Variants in ITPRID1 observed in about 807,000 individuals in gnomAD.
The protein encoded by ITPRID1 is protein ITPRID1.
Under a neutral mutation model 95.4 loss-of-function variants are expected in ITPRID1, and 96 were observed. The ratio of observed to expected loss-of-function variants is 1.01; its 90% CI spans 0.85 to 1.19. The LOEUF is 1.19. Ranked by LOEUF, ITPRID1 falls within the 50% of genes most tolerant of loss-of-function variation. ITPRID1 has a pLI of 0.00. For missense variants in ITPRID1, 1,339 were observed against 1,252.9 expected (o/e 1.07, Z -1.04); for synonymous variants, 510 against 453.6 (o/e 1.12, Z -1.58).
chr7:31,554,261 A>G, intron 3 of ITPRID1: 1 of 679,914 alleles, frequency 1.5e-6, no homozygotes, highest in South Asian at 5.1e-5. Context: ...TTTAAGTTAC[A>G]GTCTTTTGAC....
intron 10 of ITPRID1, among the ~76,000 whole-genome samples, chr7:31,640,640 A>T (rs980941621): frequency 1.4e-5 from 2 of 139,854 alleles, no homozygotes; most frequent in Non-Finnish European, 3.3e-5. Flanking sequence ...TGTCTCGAAA[A>T]ACTTTTTTTT....
chr7:31,574,505 T>A (rs749983515), intron 7 of ITPRID1, 35 bp from the exon 8 acceptor site: 2 of 1,593,714 alleles, frequency 1.3e-6, no homozygotes, highest in Admixed American at 3.3e-5. Flanking sequence ...GGGTTAACTG[T>A]TTCTGGATAA....
chr7:31,639,813 G>C (rs1439340397), intron 10 of ITPRID1, among the ~76,000 whole-genome samples: 1 of 152,060 alleles, frequency 6.6e-6, no homozygotes, highest in Admixed American at 6.5e-5. Context: ...TGGGATTACA[G>C]GTGTGAGCCA....
At chr7:31,578,548 T>C (rs961845982) in intron 9 of ITPRID1, 114 bp downstream of exon 9, 13 of 749,916 alleles carry the variant, frequency 1.7e-5, no homozygotes, top group Non-Finnish European at 2.5e-5. Flanking sequence ...GCATTACTTC[T>C]TAGTGTTCTG....
In ITPRID1 at chr7:31,577,842, C is replaced by T. The variant is rs188366188; in HGVS notation, c.599-21C>T. ...CAAAAAAGACCCAATCTGAAACTTTCGTGTTTCTTGTGTTGTGCAGGTCGT... is the reference window on the plus strand; with the variant it reads ...CAAAAAAGACCCAATCTGAAACTTTTGTGTTTCTTGTGTTGTGCAGGTCGT... On this transcript the variant is annotated intron_variant, in intron 8 of 14. Coordinates refer to ENST00000615280, the MANE Select transcript of ITPRID1 (RefSeq NM_001257967.3). 1.7e-5 allele frequency: 26 copies of T among 1,532,866 alleles called. No homozygotes were observed. The South Asian group carries it at 2.4e-4, about 14-fold the overall frequency. 95.0% of individuals were successfully genotyped at this position (1,532,866 alleles called of 1,614,324 possible).
intron 1 of ITPRID1, among the ~76,000 whole-genome samples, chr7:31,521,174 T>C (rs1406026137): frequency 6.6e-6 from 1 of 152,100 alleles, no homozygotes; most frequent in African/African-American, 2.4e-5. Context: ...ACTTAGACTG[T>C]AGATCTTTCT....
rs746821136 is a variant in ITPRID1, at chr7:31,643,242, A to ATTC, written c.1874_1876dup (p.Phe625dup). ...CCCCACGAGAAGAGGAAAGCAGTGGATTCTGTCCTCACACCAACCACAGCT... is the reference window on the plus strand; with the variant it reads ...CCCCACGAGAAGAGGAAAGCAGTGGATTCTTCTGTCCTCACACCAACCACAGCT... On this transcript the variant is annotated inframe_insertion, in exon 12 of 15. Transcript: ENST00000615280. The ATTC allele has an allele frequency of 6.2e-7, 1 of 1,613,836 alleles. No individual in the cohort carries two copies. Among genetic ancestry groups the ATTC allele is most frequent in the Non-Finnish European group, 8.5e-7 (1 of 1,179,856 alleles).
At chr7:31,563,924 A>C (rs1784707883) in intron 5 of ITPRID1, among the ~76,000 whole-genome samples, 1 of 152,192 alleles carries the variant, frequency 6.6e-6, no homozygotes, top group South Asian at 2.1e-4. Context: ...ATAATTTGCC[A>C]ACTGAGACAA....
intron 12 of ITPRID1, among the ~76,000 whole-genome samples, chr7:31,645,594 T>TAAC (rs1790391878): frequency 6.6e-6 from 1 of 152,010 alleles, no homozygotes; most frequent in Non-Finnish European, 1.5e-5. Flanking sequence ...ACCATAACCA[T>TAAC]CATCACCACC....
At chr7:31,583,336 T>C (rs1257639833) in intron 10 of ITPRID1, 145 bp downstream of exon 10, 2 of 562,494 alleles carry the variant, frequency 3.6e-6, no homozygotes, top group Non-Finnish European at 6.1e-6. Flanking sequence ...ATTAAAAGCC[T>C]ACTGGCAGGC....
In ITPRID1 at chr7:31,654,186, G is replaced by C. The variant is rs1791178876; in HGVS notation, c.*1357G>C. ...GCATTCATCAGGGTGCCTGTGGAAG[G>C]CCTTGCTAAAGGGAAGGCTATTTGG... On this transcript the variant is annotated 3_prime_UTR_variant, in exon 15 of 15. Coordinates refer to ENST00000615280, the MANE Select transcript of ITPRID1 (RefSeq NM_001257967.3). Among the ~76,000 whole-genome samples, 1 of 152,206 alleles carries C rather than the reference G, an allele frequency of 6.6e-6. No individual in the cohort carries two copies.
chr7:31,576,663 G>A (rs1397270049), intron 8 of ITPRID1, among the ~76,000 whole-genome samples: 1 of 152,096 alleles, frequency 6.6e-6, no homozygotes, highest in African/African-American at 2.4e-5. Flanking sequence ...GGAGTAGAAG[G>A]ATGATTAGTC....
rs747609326 is a variant in ITPRID1 at position 31,578,089 on chromosome 7, G to C, written c.825G>C (p.Glu275Asp). The C allele has an allele frequency of 9.3e-6, 15 of 1,613,538 alleles. No individual in the cohort carries two copies. The Admixed American group carries it at 1.3e-4, about 14-fold the overall frequency. ...IRRDCNPEVS[E>D]SFKVKDEVFV... Reference sequence around the variant, plus strand: ...GGGATTGTAACCCAGAGGTATCAGAGTCCTTCAAGGTGAAGGATGAAGTTT... The same window carrying C: ...GGGATTGTAACCCAGAGGTATCAGACTCCTTCAAGGTGAAGGATGAAGTTT... Residue 275 changes from glutamate to aspartate, a missense_variant, in exon 9 of 15, where the codon GAG becomes GAC. Glu to Asp is a conservative substitution (Grantham distance 45). Coordinates refer to ENST00000615280, the MANE Select transcript of ITPRID1 (RefSeq NM_001257967.3).
intron 1 of ITPRID1, among the ~76,000 whole-genome samples, chr7:31,539,917 G>C (rs939894309): frequency 6.6e-6 from 1 of 152,052 alleles, no homozygotes; most frequent in Non-Finnish European, 1.5e-5. Flanking sequence ...GGAGGGGTTT[G>C]GAATGTTTCT....
rs538916493 is a variant in ITPRID1, at chr7:31,543,051, GTTGT to G, written c.-97-6360_-97-6357del. ...AATATCCAGTAGTTATGTTTTTGTT[GTTGT>G]TTGTTTGTTTGTTTTGCTAATTTCC... is the stretch of plus-strand genomic sequence containing the variant. On this transcript the variant is annotated intron_variant, in intron 1 of 14. Coordinates refer to ENST00000615280, the MANE Select transcript of ITPRID1 (RefSeq NM_001257967.3). 3.5e-4 allele frequency among the ~76,000 whole-genome samples: 54 copies of G among 152,118 alleles called. 1 individual carries two copies. The South Asian group carries it at 0.01, about 29-fold the overall frequency.
In ITPRID1 at chr7:31,578,019, G is replaced by A; in HGVS notation, c.755G>A (p.Arg252Lys). The part of the protein sequence containing the change: ...SVSAAKEHRR[R>K]MGKLLRRASK... ...AGTGCCGCCAAAGAGCATCGAAGAA[G>A]AATGGGTAAACTCTTAAGGAGAGCT... Residue 252 changes from arginine (R) to lysine (K), a missense_variant, in exon 9 of 15, where the codon AGA becomes AAA. By Grantham distance (26) the Arg-to-Lys change is conservative. Coordinates refer to ENST00000615280, the MANE Select transcript of ITPRID1 (RefSeq NM_001257967.3). The A allele has an allele frequency of 6.2e-7, 1 of 1,613,872 alleles. No individual in the cohort carries two copies. Among genetic ancestry groups the A allele is most frequent in the African/African-American group, 1.3e-5 (1 of 75,024 alleles).
At chr7:31,648,129 T>C (rs1216711869) in intron 12 of ITPRID1, among the ~76,000 whole-genome samples, 1 of 152,196 alleles carries the variant, frequency 6.6e-6, no homozygotes, top group Non-Finnish European at 1.5e-5. Context: ...GCTTCCATAT[T>C]GTTTATGATT....
At chr7:31,555,095 G>A (rs146299454) in intron 5 of ITPRID1, 194 bp downstream of exon 5, 278 of 551,334 alleles carry the variant, frequency 5.0e-4, no homozygotes, top group African/African-American at 4.9e-3. Flanking sequence ...CCCAGCAGCA[G>A]GTTAAGGGCC....
At position 31,642,794 on chromosome 7, in the gene ITPRID1, C is replaced by T. The variant is rs190307572; in HGVS notation, c.1424C>T (p.Pro475Leu). Reference sequence around the variant, plus strand: ...GACTGTCAGCTAGAGTCGGATGGGCCAGATTCCAAAAGTAGGGCGAGCATG... The same window carrying T: ...GACTGTCAGCTAGAGTCGGATGGGCTAGATTCCAAAAGTAGGGCGAGCATG... ...SQDCQLESDG[P>L]DSKSRASMSF... Residue 475 changes from proline (P) to leucine (L), a missense_variant, in exon 12 of 15, where the codon CCA becomes CTA. Pro to Leu is a moderately conservative substitution (Grantham distance 98). Coordinates refer to ENST00000615280, the MANE Select transcript of ITPRID1 (RefSeq NM_001257967.3). 6.8e-5 allele frequency: 110 copies of T among 1,613,962 alleles called. No homozygotes were observed. In the Admixed American group the frequency reaches 1.8e-3, roughly 27 times the overall value.
Sources: allele counts gnomAD v4.1 joint callset (sites outside exome capture counted in the v4.1 genomes callset), GRCh38; gene constraint gnomAD v4.1.1; transcripts MANE v1.5; gene names NCBI Gene and HGNC (gene_info 2026-07-23, HGNC 2026-07-21).